The following MIER2 variants were observed in gnomAD, a reference collection of about 807,000 sequenced individuals.
The protein encoded by MIER2 is MIER family member 2, also known as mesoderm induction early response protein 2.
Under a neutral mutation model 67.6 loss-of-function variants are expected in MIER2, and 30 were observed. The observed-to-expected ratio is 0.44, with a 90% CI of 0.33 to 0.60. The LOEUF (loss-of-function observed/expected upper bound fraction) is 0.60, where lower values mean the gene tolerates loss of function less well. MIER2 is among the 20% of genes least tolerant of loss of function. The pLI is 0.02. For synonymous variants in MIER2, 372 were observed against 312.6 expected, an observed-to-expected ratio of 1.19 and a Z score of -2.00; for missense variants, 702 against 745.1, an observed-to-expected ratio of 0.94 and a Z score of 0.67.
At chr19:328,243 G>C (rs1971856130) in intron 3 of MIER2, among the ~76,000 whole-genome samples, 1 of 152,108 alleles carries the variant, frequency 6.6e-6, no homozygotes, top group African/African-American at 2.4e-5. Context: ...TGCCCACAAT[G>C]CCTCCTTGCA....
chr19:332,426 T>C (rs1972070121), intron 3 of MIER2, among the ~76,000 whole-genome samples: 1 of 150,566 alleles, frequency 6.6e-6, no homozygotes, highest in African/African-American at 2.4e-5. Context: ...CCTCAGCCCT[T>C]TGAGTGCTGG....
chr19:320,245 G>T (rs1188661497), intron 7 of MIER2, among the ~76,000 whole-genome samples: 1 of 151,934 alleles, frequency 6.6e-6, no homozygotes, highest in Non-Finnish European at 1.5e-5. Flanking sequence ...CCGGCGTGCA[G>T]TGGCGCACAT....
Position 313,082 on chromosome 19 carries a change from C to G in MIER2, c.807+410G>C, listed in dbSNP as rs866816020. Among the ~76,000 whole-genome samples the G allele has an allele frequency of 2.8e-4, 31 of 112,556 alleles. 1 individual carries two copies. The highest frequency in any genetic ancestry group is 5.3e-4 in the Non-Finnish European group (28 of 52,590). The allele number at this position is 112,556 out of a possible 152,430, so 73.8% of individuals were successfully genotyped here. ...TCCACACCACCCTCCTGGGCGATGT[C>G]AGGGCCACCTACACCTCTATCCAGG... On this transcript the variant is annotated intron_variant, in intron 8 of 13. Transcript: ENST00000264819.
At chr19:323,499 C>CACAA (rs1971591284) in intron 7 of MIER2, among the ~76,000 whole-genome samples, 1 of 151,962 alleles carries the variant, frequency 6.6e-6, no homozygotes, top group African/African-American at 2.4e-5. Context: ...ACACAGGATA[C>CACAA]AACCACACAG....
In MIER2 at chr19:307,179, G is replaced by A. The variant is rs763690534; in HGVS notation, c.1556C>T (p.Pro519Leu). Residue 519 changes from proline (P) to leucine (L), a missense_variant, in exon 13 of 14, where the codon CCC (proline) becomes CTC (leucine). Pro to Leu is a moderately conservative substitution (Grantham distance 98). This residue lies in a region of MIER2 where 254 missense variants were observed against 262.8 expected (regional missense o/e 0.97). Transcript: ENST00000264819. The stretch of plus-strand genomic sequence containing the variant: ...GCACGTGGGGTGGGCGGCCAGGAAG[G>A]GGTTCACGTCCCCAATGCCGATGAG... The part of the protein sequence containing the change: ...FGLIGIGDVN[P>L]FLAAHPTCPA... The A allele has an allele frequency of 3.8e-6, 6 of 1,588,666 alleles. No individual in the cohort carries two copies. Among genetic ancestry groups the A allele is most frequent in the Non-Finnish European group, 5.1e-6 (6 of 1,167,714 alleles).
chr19:344,412 G>GGCCGGGAACCGGA (rs1972645955), intron 1 of MIER2: 2 of 982,788 alleles, frequency 2.0e-6, no homozygotes, highest in South Asian at 4.7e-5. Flanking sequence ...CCCGGGCCGG[G>GGCCGGGAACCGGA]GCCGGGAACC....
chr19:329,968 A>G (rs1971944898), intron 3 of MIER2, among the ~76,000 whole-genome samples: 1 of 151,966 alleles, frequency 6.6e-6, no homozygotes, highest in African/African-American at 2.4e-5. Flanking sequence ...CGTGGGAAGC[A>G]TGCAGAATGC....
intron 8 of MIER2, 112 bp downstream of exon 8, chr19:313,380 G>C: frequency 6.7e-7 from 1 of 1,500,502 alleles, no homozygotes; most frequent in African/African-American, 1.4e-5. Flanking sequence ...CCACACACCT[G>C]ACCCCTGCCC....
At chr19:337,884 A>AAAAAAAAAT (rs1972334153) in intron 1 of MIER2, among the ~76,000 whole-genome samples, 1 of 135,070 alleles carries the variant, frequency 7.4e-6, no homozygotes, top group African/African-American at 2.8e-5. Context: ...AAAAAAAAAA[A>AAAAAAAAAT]AAAAAAAGGC....
chr19:321,892 ATTTTT>A (rs1315762767), intron 7 of MIER2, among the ~76,000 whole-genome samples: 2 of 150,180 alleles, frequency 1.3e-5, no homozygotes, highest in South Asian at 2.1e-4. Context: ...TGTTGTTTTT[ATTTTT>A]ATTTTTATTT....
In MIER2 at chr19:313,607, C is replaced by G. The variant is rs929611348; in HGVS notation, c.692G>C (p.Ser231Thr). 6 of 1,613,018 alleles carry G rather than the reference C, an allele frequency of 3.7e-6. No homozygotes were observed. Among genetic ancestry groups the G allele is most frequent in the African/African-American group, 1.3e-5 (1 of 74,930 alleles). The stretch of plus-strand genomic sequence containing the variant: ...CTCCACCTCCCTCTCAGGGAGGACG[C>G]TGGGGTCCCAGAGCAGCTGGTCTTC... Reference protein sequence around the residue: ...ENEDQLLWDPSVLPEREVEEF... With the variant: ...ENEDQLLWDPTVLPEREVEEF... The change falls in exon 8 of 14, where the codon AGC becomes ACC. Residue 231 changes from serine to threonine, a missense_variant. Ser to Thr is a moderately conservative substitution (Grantham distance 58, BLOSUM62 1). Transcript: ENST00000264819.
chr19:311,594 A>C (rs180890999), intron 10 of MIER2, among the ~76,000 whole-genome samples: 1 of 152,114 alleles, frequency 6.6e-6, no homozygotes, highest in Non-Finnish European at 1.5e-5. Flanking sequence ...TGAGGCAGAA[A>C]CAACTACTAG....
At chr19:318,158 T>C (rs1230472850) in intron 7 of MIER2, among the ~76,000 whole-genome samples, 1 of 152,172 alleles carries the variant, frequency 6.6e-6, no homozygotes, top group Non-Finnish European at 1.5e-5. Context: ...GAGTGGATAT[T>C]ATGCCAATGC....
chr19:325,509 G>A, intron 7 of MIER2, 126 bp downstream of exon 7: 1 of 1,090,112 alleles, frequency 9.2e-7, no homozygotes, highest in South Asian at 1.4e-5. Context: ...TCCAGCCACA[G>A]GCTCAGCTGC....
At chr19:323,271 C>A (rs1249721828) in intron 7 of MIER2, among the ~76,000 whole-genome samples, 1 of 133,780 alleles carries the variant, frequency 7.5e-6, no homozygotes, top group East Asian at 2.0e-4. Context: ...AAGACACACA[C>A]AACCACGGCA....
At chr19:310,581 C>T (rs1568216509) in intron 10 of MIER2, among the ~76,000 whole-genome samples, 3 of 149,056 alleles carry the variant, frequency 2.0e-5, no homozygotes, top group Admixed American at 6.7e-5. Context: ...GAAACACGGC[C>T]GGGAGCTGCA....
chr19:331,913 G>A (rs192871644), intron 3 of MIER2, among the ~76,000 whole-genome samples: 4 of 151,764 alleles, frequency 2.6e-5, no homozygotes, highest in South Asian at 2.1e-4. Context: ...CCCAGGAGGC[G>A]GAGGATGCAG....
At chr19:326,948 C>G in intron 5 of MIER2, 185 bp downstream of exon 5, 1 of 777,538 alleles carries the variant, frequency 1.3e-6, no homozygotes, top group Non-Finnish European at 2.0e-6. Context: ...TCTGAGAGTC[C>G]AGGCTCACTG....
chr19:307,643 CAGAAA>C (rs1384448178), intron 12 of MIER2, 107 bp from the exon 13 acceptor site: 4 of 1,194,816 alleles, frequency 3.3e-6, no homozygotes, highest in Non-Finnish European at 4.4e-6. Context: ...GATCCCTCCC[CAGAAA>C]AGCCTCCACA....
Sources: gnomAD v4.1 joint callset for allele counts (sites outside exome capture counted in the v4.1 genomes callset) on GRCh38, gnomAD v4.1.1 for gene constraint, gnomAD v4.1.1 regional missense constraint, MANE v1.5 for transcripts, NCBI Gene and HGNC (gene_info 2026-07-23, HGNC 2026-07-21) for gene names.